Variants in OTULIN observed in about 807,000 individuals in gnomAD.
OTULIN encodes ubiquitin thioesterase otulin.
In OTULIN, 15 loss-of-function variants were observed where a neutral mutation model predicts 39.6. That is an observed-to-expected ratio of 0.38 (90% confidence interval 0.25 to 0.58). OTULIN has a LOEUF of 0.58. OTULIN is among the 20% of genes least tolerant of loss of function. The pLI, the probability that OTULIN is intolerant of heterozygous loss-of-function variation, is 0.66. For synonymous variants in OTULIN, 156 were observed against 170.3 expected, an observed-to-expected ratio of 0.92 and a Z score of 0.65; for missense variants, 319 against 445.9, an observed-to-expected ratio of 0.72 and a Z score of 2.56.
rs1372565224 is a variant in OTULIN at position 14,694,648 on chromosome 5, T to G, written c.*1600T>G. On this transcript the variant is annotated 3_prime_UTR_variant, in exon 7 of 7. Transcript: ENST00000284274. ...CACAAAACTATTCAGACTGTTACTT[T>G]AGCTTTCTCCCATTACCTCATCAGT... 1 of 152,682 alleles carries G rather than the reference T, an allele frequency of 6.5e-6. No homozygotes were observed. The highest frequency in any genetic ancestry group is 1.5e-5 in the Non-Finnish European group (1 of 68,040). 9.5% of individuals were successfully genotyped at this position (152,682 alleles called of 1,614,324 possible).
the OTULIN span, among the ~76,000 whole-genome samples, chr5:14,716,492 C>CAATAAATAAATA: frequency 9.4e-4 from 143 of 151,562 alleles, no homozygotes; most frequent in African/African-American, 3.3e-3. Flanking sequence ...ACTCTGTCTC[C>CAATAAATAAATA]AATAAATAAA....
At chr5:14,713,546 C>T in the OTULIN span, 4 of 1,614,036 alleles carry the variant, frequency 2.5e-6, no homozygotes, top group African/African-American at 1.3e-5. This position sits in a 1 kb window ranked among gnomAD's most constrained non-coding sequence, Gnocchi z 4.4. Context: ...CAACATACCC[C>T]AGGTAGGGTA....
At chr5:14,713,813 T>A in the OTULIN span, 2 of 1,198,346 alleles carry the variant, frequency 1.7e-6, no homozygotes, top group Non-Finnish European at 2.4e-6. The surrounding 1 kb of genome is among the most constrained non-coding windows in gnomAD (Gnocchi z 4.4). Context: ...CTCATCTTCC[T>A]GCCAGGGTTC....
At chr5:14,680,065 G>A (rs1272478073) in intron 3 of OTULIN, among the ~76,000 whole-genome samples, 2 of 152,186 alleles carry the variant, frequency 1.3e-5, no homozygotes, top group Non-Finnish European at 2.9e-5. Flanking sequence ...TCTTTTGGAA[G>A]TAAGTTTCTA....
At chr5:14,712,590 C>T in the OTULIN span, among the ~76,000 whole-genome samples, 5 of 152,380 alleles carry the variant, frequency 3.3e-5, no homozygotes, top group South Asian at 4.1e-4. Context: ...GGCTGAATTT[C>T]GCCCCATCTA....
chr5:14,669,628 C>T (rs1735933510), intron 1 of OTULIN, among the ~76,000 whole-genome samples: 2 of 151,912 alleles, frequency 1.3e-5, no homozygotes, highest in South Asian at 4.2e-4. Flanking sequence ...TAAAAATTAG[C>T]CAGATGTGGT....
Position 14,664,988 on chromosome 5 carries a change from G to C in OTULIN, c.152+11G>C. 6 of 1,053,272 alleles carry C rather than the reference G, an allele frequency of 5.7e-6. No individual in the cohort carries two copies. Among genetic ancestry groups the C allele is most frequent in the Non-Finnish European group, 6.9e-6 (6 of 874,996 alleles). The allele number at this position is 1,053,272 out of a possible 1,614,324, so 65.2% of individuals were successfully genotyped here. On this transcript the variant is annotated intron_variant, in intron 1 of 6. Coordinates refer to ENST00000284274, the MANE Select transcript of OTULIN (RefSeq NM_138348.6). ...GTGCCCGGCCGAGCAGTGAGTCCGC[G>C]GGGGCGCGGGGCGCGGGCCGTGGGC...
chr5:14,699,325 T>G lies in OTULIN; in HGVS notation c.*6277T>G, dbSNP rs1736749307. On this transcript the variant is annotated 3_prime_UTR_variant, in exon 7 of 7. Coordinates refer to ENST00000284274, the MANE Select transcript of OTULIN (RefSeq NM_138348.6). Reference sequence around the variant, plus strand: ...TTGAGTCAGCAGAGCTCTGCCTTCCTGTTTGTCAAAGAACTAGAGTCTGGG... The same window carrying G: ...TTGAGTCAGCAGAGCTCTGCCTTCCGGTTTGTCAAAGAACTAGAGTCTGGG... 1 of 152,230 alleles carries G rather than the reference T, an allele frequency of 6.6e-6. No homozygotes were observed. Among genetic ancestry groups the G allele is most frequent in the African/African-American group, 2.4e-5 (1 of 41,458 alleles). The allele number at this position is 152,230 out of a possible 1,614,324, so 9.4% of individuals were successfully genotyped here.
rs145281384 is a variant in OTULIN, at chr5:14,668,170, C to T, written c.152+3193C>T. On this transcript the variant is annotated intron_variant, in intron 1 of 6. Coordinates refer to ENST00000284274, the MANE Select transcript of OTULIN (RefSeq NM_138348.6). Reference sequence around the variant, plus strand: ...GGCTGTGAACAAAAAAAGTGGCACACTGTTGTTCTTGTGGATGTATTTTCT... The same window carrying T: ...GGCTGTGAACAAAAAAAGTGGCACATTGTTGTTCTTGTGGATGTATTTTCT... Among the ~76,000 whole-genome samples the T allele has an allele frequency of 1.7e-3, 263 of 152,292 alleles. 1 individual carries two copies. The highest frequency in any genetic ancestry group is 5.8e-3 in the African/African-American group (241 of 41,548).
chr5:14,686,971 A>G (rs1335815088), intron 4 of OTULIN, among the ~76,000 whole-genome samples: 1 of 152,258 alleles, frequency 6.6e-6, no homozygotes, highest in African/African-American at 2.4e-5. Flanking sequence ...ACATAGTATC[A>G]TTTCTCTGAA....
intron 4 of OTULIN, among the ~76,000 whole-genome samples, chr5:14,683,969 A>G (rs914379990): frequency 5.3e-5 from 8 of 152,222 alleles, no homozygotes; most frequent in Non-Finnish European, 1.2e-4. Flanking sequence ...CACTGTTACA[A>G]TATGTTGCAT....
Position 14,698,994 on chromosome 5 carries a change from T to C in OTULIN, c.*5946T>C, listed in dbSNP as rs1464103113. The C allele has an allele frequency of 6.6e-6, 1 of 152,192 alleles. No individual in the cohort carries two copies. The highest frequency in any genetic ancestry group is 1.5e-5 in the Non-Finnish European group (1 of 68,046). 9.4% of individuals were successfully genotyped at this position (152,192 alleles called of 1,614,324 possible). On this transcript the variant is annotated 3_prime_UTR_variant, in exon 7 of 7. Transcript: ENST00000284274. Reference sequence around the variant, plus strand: ...TTCTTCATCTTTACCACACACAGTCTGTCTCAGTGGTGGTGTGGATTAAGT... The same window carrying C: ...TTCTTCATCTTTACCACACACAGTCCGTCTCAGTGGTGGTGTGGATTAAGT...
intron 1 of OTULIN, among the ~76,000 whole-genome samples, chr5:14,672,824 C>G (rs1433860859): frequency 1.3e-5 from 2 of 152,176 alleles, no homozygotes; most frequent in Non-Finnish European, 2.9e-5. Context: ...TTTGGACTTT[C>G]ACCTGTCTTC....
At chr5:14,673,775 G>A (rs1044533087) in intron 2 of OTULIN, 57 bp downstream of exon 2, 1 of 1,424,694 alleles carries the variant, frequency 7.0e-7, no homozygotes, top group Non-Finnish European at 9.8e-7. Flanking sequence ...AGAAAATGCA[G>A]TTAAATCCGT....
chr5:14,711,063 C>T, the OTULIN span: 1 of 815,378 alleles, frequency 1.2e-6, no homozygotes, highest in South Asian at 1.4e-5. Context: ...GACACGAAAC[C>T]TTTAAATCAA....
chr5:14,682,169 T>C (rs573193221), intron 4 of OTULIN, among the ~76,000 whole-genome samples: 1 of 152,354 alleles, frequency 6.6e-6, no homozygotes, highest in South Asian at 2.1e-4. Flanking sequence ...TGGAAAGTCA[T>C]GTGTCTGCAT....
intron 1 of OTULIN, among the ~76,000 whole-genome samples, chr5:14,672,908 G>A (rs1026483617): frequency 6.6e-6 from 1 of 152,192 alleles, no homozygotes; most frequent in Non-Finnish European, 1.5e-5. Flanking sequence ...TGGGGGAAAA[G>A]GGGTGCATCT....
chr5:14,703,339 A>C (rs1736847531), downstream of OTULIN, among the ~76,000 whole-genome samples: 1 of 7,148 alleles, frequency 1.4e-4, no homozygotes, highest in African/African-American at 3.2e-4. Flanking sequence ...AAAAAAAAAA[A>C]AAAAAAAAAA....
chr5:14,710,315 C>A, the OTULIN span: 1 of 152,214 alleles, frequency 6.6e-6, no homozygotes, highest in Admixed American at 6.5e-5. Context: ...CCATGTGACT[C>A]GCTCTAATGC....
Sources: allele counts gnomAD v4.1 joint callset (sites outside exome capture counted in the v4.1 genomes callset), GRCh38; gene constraint gnomAD v4.1.1; non-coding constraint Gnocchi (gnomAD v3.1); transcripts MANE v1.5; gene names NCBI Gene and HGNC (gene_info 2026-07-23, HGNC 2026-07-21).